The following STARD7 variants were observed in gnomAD, a reference collection of about 807,000 sequenced individuals.
STARD7 encodes stAR-related lipid transfer protein 7, mitochondrial.
A neutral mutation model predicts 45.3 loss-of-function variants in STARD7; 30 were observed. The ratio of observed to expected loss-of-function variants is 0.66; its 90% CI spans 0.50 to 0.90. The LOEUF (loss-of-function observed/expected upper bound fraction) is 0.90. Among genes scored for constraint, STARD7 ranks in the 40% least tolerant of loss-of-function variants. The probability of loss-of-function intolerance (pLI) is 0.00; values close to 1 mark genes in which losing one functional copy is unlikely to be tolerated. For missense variants in STARD7, 495 were observed against 491.3 expected (o/e 1.01, Z -0.07); for synonymous variants, 199 against 183.0 (o/e 1.09, Z -0.70).
intron 1 of STARD7, among the ~76,000 whole-genome samples, chr2:96,196,484 CAG>C (rs1423307419): frequency 1.3e-5 from 2 of 151,882 alleles, no homozygotes; most frequent in Admixed American, 1.3e-4. Flanking sequence ...TTTTTTGAAA[CAG>C]AGTCTCACTC....
intron 7 of STARD7, 70 bp from the exon 8 acceptor site, chr2:96,186,984 A>G: frequency 1.4e-6 from 2 of 1,402,570 alleles, no homozygotes; most frequent in African/African-American, 1.4e-5. Flanking sequence ...AGAAGACCCT[A>G]TTTCTTTGAT....
chr2:96,208,563 A>G lies in STARD7; in HGVS notation c.-129T>C. ...CCCGTCTCACGGTCCCGCGGCCAGGAGCCGCCGCTCATCTGTCTCTGCAGC... is the reference window on the plus strand; with the variant it reads ...CCCGTCTCACGGTCCCGCGGCCAGGGGCCGCCGCTCATCTGTCTCTGCAGC... On this transcript the variant is annotated 5_prime_UTR_variant, in exon 1 of 8. Coordinates refer to ENST00000337288, the MANE Select transcript of STARD7 (RefSeq NM_020151.4). 1.3e-6 allele frequency: 1 copy of G among 794,764 alleles called. No homozygotes were observed. Among genetic ancestry groups the G allele is most frequent in the Non-Finnish European group, 1.8e-6 (1 of 556,734 alleles). The allele number at this position is 794,764 out of a possible 1,614,324, so 49.2% of individuals were successfully genotyped here.
At chr2:96,207,260 T>G (rs575261799) in intron 1 of STARD7, among the ~76,000 whole-genome samples, 1 of 152,326 alleles carries the variant, frequency 6.6e-6, no homozygotes, top group African/African-American at 2.4e-5. Context: ...TGTTTCCCTG[T>G]GGAGGAAATA....
chr2:96,194,300 A>T (rs1044341009), intron 3 of STARD7, among the ~76,000 whole-genome samples: 4 of 152,032 alleles, frequency 2.6e-5, no homozygotes, highest in African/African-American at 9.7e-5. Flanking sequence ...CTGCAGCAAG[A>T]CATGATCACA....
intron 1 of STARD7, among the ~76,000 whole-genome samples, chr2:96,202,511 A>AG (rs1211558167): frequency 2.7e-5 from 4 of 147,820 alleles, no homozygotes; most frequent in Admixed American, 1.4e-4. Flanking sequence ...ATGTTGCAGA[A>AG]GAAGAGCAAA....
rs1041002274 is a variant in STARD7 at position 96,185,627 on chromosome 2, T to C, written c.*1103A>G. The C allele has an allele frequency of 1.3e-5, 2 of 152,148 alleles. No individual in the cohort carries two copies. Among genetic ancestry groups the C allele is most frequent in the African/African-American group, 4.8e-5 (2 of 41,422 alleles). The allele number at this position is 152,148 out of a possible 1,614,324, so 9.4% of individuals were successfully genotyped here. Reference sequence around the variant, plus strand: ...ACTTAATGGTAACATAAACCAAATCTCCACTGTATTAGTATTTGAGACAAG... The same window carrying C: ...ACTTAATGGTAACATAAACCAAATCCCCACTGTATTAGTATTTGAGACAAG... On this transcript the variant is annotated 3_prime_UTR_variant, in exon 8 of 8. Transcript: ENST00000337288.
At chr2:96,193,876 T>C (rs1683163470) in intron 3 of STARD7, among the ~76,000 whole-genome samples, 1 of 152,228 alleles carries the variant, frequency 6.6e-6, no homozygotes, top group Non-Finnish European at 1.5e-5. Context: ...GAAAGTGCAC[T>C]TGCACGTTAG....
Position 96,186,246 on chromosome 2 carries a change from GTTCACACCCA to G in STARD7, c.*474_*483del, listed in dbSNP as rs1428294568. On this transcript the variant is annotated 3_prime_UTR_variant, in exon 8 of 8. Coordinates refer to ENST00000337288, the MANE Select transcript of STARD7 (RefSeq NM_020151.4). ...AAGGCACTTAACATAGCCAAGTATC[GTTCACACCCA>G]TTCACATCATGATTGTTACCAAGAG... is the stretch of plus-strand genomic sequence containing the variant. 9 of 152,826 alleles carry G rather than the reference GTTCACACCCA, an allele frequency of 5.9e-5. No individual in the cohort carries two copies. Among genetic ancestry groups the G allele is most frequent in the Admixed American group, 3.3e-4 (5 of 15,268 alleles). 9.5% of individuals were successfully genotyped at this position (152,826 alleles called of 1,614,324 possible).
At chr2:96,195,639 C>G in intron 1 of STARD7, 90 bp from the exon 2 acceptor site, 1 of 867,172 alleles carries the variant, frequency 1.2e-6, no homozygotes, top group Non-Finnish European at 1.9e-6. Context: ...GAAGGTTATA[C>G]AGTAAACCAC....
chr2:96,202,096 CCTTT>C (rs1214132156), intron 1 of STARD7, among the ~76,000 whole-genome samples: 4 of 151,980 alleles, frequency 2.6e-5, no homozygotes, highest in Non-Finnish European at 5.9e-5. Flanking sequence ...GCCTGAAATC[CCTTT>C]CTATTTGGAA....
intron 1 of STARD7, among the ~76,000 whole-genome samples, chr2:96,205,296 G>C (rs1221430234): frequency 6.6e-6 from 1 of 152,200 alleles, no homozygotes; most frequent in Non-Finnish European, 1.5e-5. Flanking sequence ...AAGCACAAAA[G>C]ACGAGAAGAC....
Position 96,194,400 on chromosome 2 carries a change from G to T in STARD7, c.549+558C>A, listed in dbSNP as rs145900173. 1.5e-4 allele frequency among the ~76,000 whole-genome samples: 23 copies of T among 152,060 alleles called. No individual in the cohort carries two copies. In the East Asian group the frequency reaches 4.0e-3, roughly 27 times the overall value. On this transcript the variant is annotated intron_variant, in intron 3 of 7. Transcript: ENST00000337288. ...AACCCTCCACTATGGAAATGTTCTT[G>T]ATTTGAGGTTAAACAGATGTGACAA...
chr2:96,185,217 T>C lies in STARD7; in HGVS notation c.*1513A>G, dbSNP rs1380821587. 3.9e-5 allele frequency: 6 copies of C among 152,586 alleles called. No homozygotes were observed. The allele number at this position is 152,586 out of a possible 1,614,324, so 9.5% of individuals were successfully genotyped here. On this transcript the variant is annotated 3_prime_UTR_variant, in exon 8 of 8. Coordinates refer to ENST00000337288, the MANE Select transcript of STARD7 (RefSeq NM_020151.4). ...AAAGCAGCTGGGACTGCTCGATGCA[T>C]CTCTCCTCTTCCAACAATGACGCGG...
intron 3 of STARD7, 111 bp downstream of exon 3, chr2:96,194,847 A>G: frequency 1.2e-6 from 1 of 832,722 alleles, no homozygotes; most frequent in South Asian, 1.6e-5. Flanking sequence ...TGACAGGTAG[A>G]TAGATGGATG....
At chr2:96,187,504 A>C in intron 6 of STARD7, 1 of 501,742 alleles carries the variant, frequency 2.0e-6, no homozygotes, top group South Asian at 2.3e-5. Flanking sequence ...ACCCTTGGCC[A>C]ACTTCGCTCC....
At chr2:96,197,088 A>T (rs1295538547) in intron 1 of STARD7, among the ~76,000 whole-genome samples, 30 of 140,986 alleles carry the variant, frequency 2.1e-4, no homozygotes, top group African/African-American at 6.8e-4. Context: ...AAATAAAATA[A>T]AATAAAATAA....
At chr2:96,205,627 C>T (rs1558738199) in intron 1 of STARD7, among the ~76,000 whole-genome samples, 1 of 152,220 alleles carries the variant, frequency 6.6e-6, no homozygotes. Flanking sequence ...CCAAGATGTT[C>T]TAAGCTAGCT....
chr2:96,188,335 GCACAATCTCGGCTCAC>G (rs1402568177), intron 6 of STARD7, among the ~76,000 whole-genome samples: 1 of 143,140 alleles, frequency 7.0e-6, no homozygotes, highest in Non-Finnish European at 1.5e-5. Context: ...GAGGGCAATG[GCACAATCTCGGCTCAC>G]CACAACCTCC....
Position 96,193,478 on chromosome 2 carries a change from G to A in STARD7, c.550-126C>T, listed in dbSNP as rs879169329. On this transcript the variant is annotated intron_variant, in intron 3 of 7. Coordinates refer to ENST00000337288, the MANE Select transcript of STARD7 (RefSeq NM_020151.4). ...AAGGAGAGAGTAATCTGACCTAACA[G>A]ACAGTGCCAGAGTGTGAGAGACATG... 3.3e-4 allele frequency: 227 copies of A among 689,204 alleles called. 3 individuals are homozygous for A. The South Asian group carries it at 3.8e-3, about 11-fold the overall frequency. The allele number at this position is 689,204 out of a possible 1,614,324, so 42.7% of individuals were successfully genotyped here. A position where few individuals can be genotyped will look rare whatever the true frequency, so the allele number is the denominator to read the frequency against.
Sources: gnomAD v4.1 joint callset for allele counts (sites outside exome capture counted in the v4.1 genomes callset) on GRCh38, gnomAD v4.1.1 for gene constraint, MANE v1.5 for transcripts, NCBI Gene and HGNC (gene_info 2026-07-23, HGNC 2026-07-21) for gene names.